Variants in CALN1 observed in about 807,000 individuals in gnomAD.
The protein encoded by CALN1 is calneuron 1.
Under a neutral mutation model 30.6 loss-of-function variants are expected in CALN1, and 17 were observed. The observed-to-expected ratio is 0.56, with a 90% CI of 0.38 to 0.83. The LOEUF (loss-of-function observed/expected upper bound fraction) is 0.83, where lower values mean the gene tolerates loss of function less well. Ranked by LOEUF, CALN1 falls within the 40% of genes least tolerant of loss-of-function variation. The pLI, the probability that CALN1 is intolerant of heterozygous loss-of-function variation, is 0.00. For missense variants in CALN1, 291 were observed against 354.9 expected (o/e 0.82, Z 1.45); for synonymous variants, 156 against 131.4 (o/e 1.19, Z -1.28).
intron 3 of CALN1, among the ~76,000 whole-genome samples, chr7:72,192,782 T>C (rs1790710569): frequency 6.7e-6 from 1 of 148,578 alleles, no homozygotes; most frequent in South Asian, 2.2e-4. Context: ...TAGGTATATC[T>C]CCCGATGCTA....
intron 5 of CALN1, among the ~76,000 whole-genome samples, chr7:71,922,472 T>C (rs1794995960): frequency 7.0e-6 from 1 of 142,434 alleles, no homozygotes; most frequent in Non-Finnish European, 1.6e-5. Context: ...CATATAAATA[T>C]GAATATATAT....
rs916332539 is a variant in CALN1, at chr7:72,308,393, G to C, written c.120-29583C>G. Among the ~76,000 whole-genome samples the C allele has an allele frequency of 6.9e-5, 9 of 130,106 alleles. 2 individuals carry two copies. The highest frequency in any genetic ancestry group is 2.5e-4 in the African/African-American group (9 of 36,280). The allele number at this position is 130,106 out of a possible 152,430, so 85.4% of individuals were successfully genotyped here. On this transcript the variant is annotated intron_variant, in intron 2 of 6. Transcript: ENST00000395275. Reference sequence around the variant, plus strand: ...GGGGGGAGAGAGAGAGAGAGAGAGAGAGAGAGAGAGAGGAAAGAAAGGAAA... The same window carrying C: ...GGGGGGAGAGAGAGAGAGAGAGAGACAGAGAGAGAGAGGAAAGAAAGGAAA...
intron 5 of CALN1, among the ~76,000 whole-genome samples, chr7:71,824,198 T>C (rs1788775534): frequency 6.6e-6 from 1 of 151,358 alleles, no homozygotes; most frequent in South Asian, 2.1e-4. Context: ...GCCAAGAGGT[T>C]GGATAATGTA....
intron 4 of CALN1, among the ~76,000 whole-genome samples, chr7:72,077,297 G>A (rs981012371): frequency 2.1e-4 from 31 of 150,774 alleles, no homozygotes; most frequent in Admixed American, 1.7e-3. Flanking sequence ...ATTTTGAGAC[G>A]GAGTCTCGCT....
intron 4 of CALN1, among the ~76,000 whole-genome samples, chr7:72,066,092 A>G (rs370290879): frequency 6.6e-6 from 1 of 152,156 alleles, no homozygotes; most frequent in East Asian, 1.9e-4. Context: ...CTCTTGTCAC[A>G]CTTTTCTTCT....
At chr7:71,871,573 A>AC (rs1791930082) in intron 5 of CALN1, among the ~76,000 whole-genome samples, 1 of 151,956 alleles carries the variant, frequency 6.6e-6, no homozygotes, top group Non-Finnish European at 1.5e-5. Flanking sequence ...ACCGAGTAAG[A>AC]CCCCATCTCT....
chr7:72,009,834 C>T (rs1396419744), intron 5 of CALN1, among the ~76,000 whole-genome samples: 1 of 152,150 alleles, frequency 6.6e-6, no homozygotes, highest in Non-Finnish European at 1.5e-5. Context: ...TGAGGCCTCC[C>T]CAGCCACGTG....
intron 2 of CALN1, among the ~76,000 whole-genome samples, chr7:72,368,157 GTATA>G (rs150410575): frequency 6.6e-6 from 1 of 150,540 alleles, no homozygotes; most frequent in Non-Finnish European, 1.5e-5. Flanking sequence ...CTATGTGTGT[GTATA>G]TATATATGTG....
intron 2 of CALN1, among the ~76,000 whole-genome samples, chr7:72,283,687 T>A (rs1797883812): frequency 6.6e-6 from 1 of 152,220 alleles, no homozygotes; most frequent in East Asian, 1.9e-4. Context: ...GATTACATGC[T>A]GGATTACAAA....
the CALN1 span, among the ~76,000 whole-genome samples, chr7:72,479,974 A>T: frequency 9.2e-5 from 14 of 152,200 alleles, no homozygotes; most frequent in Non-Finnish European, 2.1e-4. Context: ...TTCCATTGAC[A>T]CTTTTGTCTA....
In CALN1 at chr7:71,787,602, A is replaced by G; in HGVS notation, c.*173T>C. On this transcript the variant is annotated 3_prime_UTR_variant, in exon 7 of 7. Coordinates refer to ENST00000395275, the MANE Select transcript of CALN1 (RefSeq NM_031468.4). ...CTTTAGTGTCCCTGCCAAGGAGATG[A>G]AGCTGAAGTGCAACCCCAGTTGCAC... 1 of 780,184 alleles carries G rather than the reference A, an allele frequency of 1.3e-6. No individual in the cohort carries two copies. Among genetic ancestry groups the G allele is most frequent in the Non-Finnish European group, 1.9e-6 (1 of 514,182 alleles). The allele number at this position is 780,184 out of a possible 1,614,324, so 48.3% of individuals were successfully genotyped here.
intron 5 of CALN1, among the ~76,000 whole-genome samples, chr7:72,016,989 C>CA (rs1800416596): frequency 1.4e-5 from 1 of 71,584 alleles, no homozygotes. Context: ...CCCGTGTTTA[C>CA]TAAAAATACA....
the CALN1 span, among the ~76,000 whole-genome samples, chr7:72,479,785 G>A: frequency 2.1e-3 from 312 of 152,058 alleles, no homozygotes; most frequent in South Asian, 7.3e-3. Context: ...TCCTGACCTC[G>A]GAAGATTCAC....
Position 72,157,242 on chromosome 7 carries a change from C to T in CALN1, c.245-50948G>A, listed in dbSNP as rs976780794. On this transcript the variant is annotated intron_variant, in intron 3 of 6. Transcript: ENST00000395275. Reference sequence around the variant, plus strand: ...GTTGCATGCCAAGTACTGCACACAACAACGATATGCAAAGATGAATAAGAC... The same window carrying T: ...GTTGCATGCCAAGTACTGCACACAATAACGATATGCAAAGATGAATAAGAC... 1.3e-4 allele frequency among the ~76,000 whole-genome samples: 20 copies of T among 152,152 alleles called. 1 individual carries two copies. Among genetic ancestry groups the T allele is most frequent in the Admixed American group, 1.1e-3 (17 of 15,262 alleles).
intron 5 of CALN1, among the ~76,000 whole-genome samples, chr7:71,867,543 T>G (rs1791659624): frequency 6.6e-6 from 1 of 152,152 alleles, no homozygotes; most frequent in East Asian, 1.9e-4. Context: ...CAAGTGATTC[T>G]CCTGTCTCAG....
At chr7:72,275,616 AAC>A (rs1441949900) in intron 3 of CALN1, among the ~76,000 whole-genome samples, 1 of 152,152 alleles carries the variant, frequency 6.6e-6, no homozygotes, top group Non-Finnish European at 1.5e-5. Context: ...CTGAAGGACA[AAC>A]ACAGCATCTT....
At chr7:72,166,363 A>G (rs550980285) in intron 3 of CALN1, among the ~76,000 whole-genome samples, 2 of 152,186 alleles carry the variant, frequency 1.3e-5, no homozygotes, top group Non-Finnish European at 2.9e-5. Context: ...CATCATGCCT[A>G]TCACGGTCTT....
chr7:71,931,588 C>A (rs1795555605), intron 5 of CALN1, among the ~76,000 whole-genome samples: 1 of 152,134 alleles, frequency 6.6e-6, no homozygotes, highest in Non-Finnish European at 1.5e-5. Context: ...TTTTCTTGGG[C>A]CCTACGAAAA....
intron 3 of CALN1, among the ~76,000 whole-genome samples, chr7:72,161,160 A>G (rs1221014645): frequency 6.6e-6 from 1 of 152,102 alleles, no homozygotes; most frequent in Non-Finnish European, 1.5e-5. Context: ...AAACTAACTA[A>G]CTCAATAAAT....
Sources: gnomAD v4.1 joint callset for allele counts (sites outside exome capture counted in the v4.1 genomes callset) on GRCh38, gnomAD v4.1.1 for gene constraint, MANE v1.5 for transcripts, NCBI Gene and HGNC (gene_info 2026-07-23, HGNC 2026-07-21) for gene names.